The following CDC42SE2 variants were observed in gnomAD, a reference collection of about 807,000 sequenced individuals.
The protein encoded by CDC42SE2 is CDC42 small effector 2.
CDC42SE2 carries 3 observed loss-of-function variants against 11.5 expected under a neutral mutation model. That is an observed-to-expected ratio of 0.26 (90% CI 0.12 to 0.67). CDC42SE2 has a LOEUF of 0.67. Ranked by LOEUF, CDC42SE2 falls within the 30% of genes least tolerant of loss-of-function variation. The pLI is 0.80. For synonymous variants in CDC42SE2, 33 were observed against 34.8 expected, an observed-to-expected ratio of 0.95 and a Z score of 0.18; for missense variants, 82 against 106.8, an observed-to-expected ratio of 0.77 and a Z score of 1.02.
At chr5:131,363,689 C>T (rs1749776240) in intron 3 of CDC42SE2, among the ~76,000 whole-genome samples, 1 of 136,856 alleles carries the variant, frequency 7.3e-6, no homozygotes, top group African/African-American at 2.8e-5. Flanking sequence ...TTTTTTTTCT[C>T]TTACTCTTTT....
At chr5:131,319,587 C>G (rs917239856) in intron 2 of CDC42SE2, among the ~76,000 whole-genome samples, 5 of 151,948 alleles carry the variant, frequency 3.3e-5, no homozygotes, top group African/African-American at 1.2e-4. Context: ...CACCCAGGAC[C>G]CAAAAGAATA....
At chr5:131,372,790 G>T (rs563562702) in intron 3 of CDC42SE2, among the ~76,000 whole-genome samples, 1 of 152,170 alleles carries the variant, frequency 6.6e-6, no homozygotes, top group Non-Finnish European at 1.5e-5. Context: ...TTGACCTTGG[G>T]CAGATTAATT....
chr5:131,232,801 ATG>A, the CDC42SE2 span, among the ~76,000 whole-genome samples: 3 of 151,542 alleles, frequency 2.0e-5, no homozygotes, highest in African/African-American at 7.3e-5. Flanking sequence ...CAAGTTTAAA[ATG>A]TGTTTACCCT....
chr5:131,343,757 G>T (rs1162343040), intron 2 of CDC42SE2, among the ~76,000 whole-genome samples: 3 of 151,396 alleles, frequency 2.0e-5, no homozygotes, highest in African/African-American at 7.3e-5. Context: ...GGCAGAGAGA[G>T]AAATAAAGAA....
intron 2 of CDC42SE2, among the ~76,000 whole-genome samples, chr5:131,358,935 T>A (rs1192152174): frequency 6.6e-6 from 1 of 152,226 alleles, no homozygotes; most frequent in Non-Finnish European, 1.5e-5. Context: ...TAGTGATTTT[T>A]AAAAATTAAC....
chr5:131,348,134 G>T (rs998133774), intron 2 of CDC42SE2, among the ~76,000 whole-genome samples: 1 of 152,196 alleles, frequency 6.6e-6, no homozygotes, highest in Non-Finnish European at 1.5e-5. Context: ...AGTGTTGGAA[G>T]TTCTGGCAAG....
chr5:131,315,358 A>G (rs1177126636), intron 1 of CDC42SE2, among the ~76,000 whole-genome samples: 1 of 152,212 alleles, frequency 6.6e-6, no homozygotes, highest in Non-Finnish European at 1.5e-5. Context: ...TCCTCAAGGC[A>G]GAGAAACATG....
intron 1 of CDC42SE2, among the ~76,000 whole-genome samples, chr5:131,291,899 A>C (rs1757464651): frequency 6.6e-6 from 1 of 152,174 alleles, no homozygotes; most frequent in Non-Finnish European, 1.5e-5. Context: ...TTAGGAAACC[A>C]GTCTGTTATG....
chr5:131,375,992 A>G (rs1244837988), intron 3 of CDC42SE2, among the ~76,000 whole-genome samples: 1 of 152,070 alleles, frequency 6.6e-6, no homozygotes, highest in Non-Finnish European at 1.5e-5. Flanking sequence ...TAATCTCAGC[A>G]CTTTAGGAGG....
intron 2 of CDC42SE2, among the ~76,000 whole-genome samples, chr5:131,324,409 C>G (rs1029159174): frequency 2.0e-5 from 3 of 152,060 alleles, no homozygotes; most frequent in African/African-American, 7.2e-5. Flanking sequence ...GGAGTTTAAT[C>G]CTCATTGTGA....
intron 3 of CDC42SE2, among the ~76,000 whole-genome samples, chr5:131,372,114 GTACC>G (rs1275362447): frequency 2.0e-5 from 3 of 152,066 alleles, no homozygotes; most frequent in Non-Finnish European, 2.9e-5. Context: ...ACTTATGCAT[GTACC>G]TGTTATGTAC....
In CDC42SE2 at chr5:131,391,263, G is replaced by A. The variant is rs911176701; in HGVS notation, c.*172G>A. On this transcript the variant is annotated 3_prime_UTR_variant, in exon 5 of 5. Coordinates refer to ENST00000505065, the MANE Select transcript of CDC42SE2 (RefSeq NM_001375635.1). ...TGTAGTTTCTGCACTTGGAATGTAA[G>A]TTTTAGGTTCTTTTCCTTATTAAGA... 1.1e-5 allele frequency: 3 copies of A among 274,800 alleles called. No homozygotes were observed. The highest frequency in any genetic ancestry group is 5.2e-5 in the Admixed American group (1 of 19,208). The allele number at this position is 274,800 out of a possible 1,614,324, so 17.0% of individuals were successfully genotyped here.
chr5:131,232,368 C>T, the CDC42SE2 span, among the ~76,000 whole-genome samples: 167 of 152,112 alleles, frequency 1.1e-3, 2 homozygotes, highest in Non-Finnish European at 3.1e-4. Flanking sequence ...CCCATGTCGG[C>T]CTCCCCAAAG....
chr5:131,369,966 G>A (rs1020494420), intron 3 of CDC42SE2, among the ~76,000 whole-genome samples: 8 of 152,154 alleles, frequency 5.3e-5, no homozygotes, highest in Admixed American at 1.3e-4. Context: ...TCTGTTTCTA[G>A]TAACTCTTAC....
At chr5:131,216,688 A>T in the CDC42SE2 span, among the ~76,000 whole-genome samples, 2 of 152,072 alleles carry the variant, frequency 1.3e-5, no homozygotes, top group African/African-American at 4.8e-5. Context: ...CAGTGTTTCC[A>T]ATCCTGGGTG....
chr5:131,239,475 C>T, the CDC42SE2 span, among the ~76,000 whole-genome samples: 2 of 152,084 alleles, frequency 1.3e-5, no homozygotes, highest in Non-Finnish European at 2.9e-5. Flanking sequence ...TAACTCAAGG[C>T]CTTAAGGTTG....
chr5:131,239,816 G>A, the CDC42SE2 span, among the ~76,000 whole-genome samples: 4 of 152,184 alleles, frequency 2.6e-5, no homozygotes, highest in Admixed American at 1.3e-4. Context: ...ATTTGGGGAA[G>A]GGGATCTCTA....
chr5:131,289,752 C>T (rs1271468279), intron 1 of CDC42SE2, among the ~76,000 whole-genome samples: 1 of 152,122 alleles, frequency 6.6e-6, no homozygotes, highest in African/African-American at 2.4e-5. Flanking sequence ...GACTTTTCCC[C>T]AGTCTCTCCC....
intron 1 of CDC42SE2, among the ~76,000 whole-genome samples, chr5:131,290,774 C>G (rs1757441729): frequency 6.6e-6 from 1 of 152,092 alleles, no homozygotes; most frequent in Non-Finnish European, 1.5e-5. Context: ...GCCACCATGC[C>G]TGGCCATAAC....
Sources: allele counts gnomAD v4.1 joint callset (sites outside exome capture counted in the v4.1 genomes callset), GRCh38; gene constraint gnomAD v4.1.1; transcripts MANE v1.5; gene names NCBI Gene and HGNC (gene_info 2026-07-23, HGNC 2026-07-21).